Variants in ITGA2 observed in about 807,000 individuals in gnomAD.
ITGA2 encodes the protein integrin alpha-2.
A neutral mutation model predicts 146.3 loss-of-function variants in ITGA2; 101 were observed. That is an observed-to-expected ratio of 0.69 (90% CI 0.59 to 0.81). ITGA2 has a LOEUF of 0.81. ITGA2 is among the 40% of genes least tolerant of loss of function. The pLI is 0.00. For missense variants in ITGA2, 1,281 were observed against 1,402.7 expected (o/e 0.91, Z 1.39); for synonymous variants, 477 against 487.1 (o/e 0.98, Z 0.27).
intron 6 of ITGA2, 61 bp from the exon 7 acceptor site, chr5:53,051,350 T>C (rs1182988167): frequency 1.3e-6 from 2 of 1,551,876 alleles, no homozygotes; most frequent in Non-Finnish European, 8.9e-7. Flanking sequence ...ATTTTATTGG[T>C]TAAGTAGAAA....
chr5:53,071,807 T>A, intron 17 of ITGA2, 131 bp from the exon 18 acceptor site: 2 of 719,024 alleles, frequency 2.8e-6, no homozygotes, highest in East Asian at 5.4e-5. Context: ...ACAAAGATAT[T>A]CTACATAATT....
intron 18 of ITGA2, 74 bp downstream of exon 18, chr5:53,072,122 G>A: frequency 2.0e-6 from 2 of 1,014,160 alleles, no homozygotes; most frequent in Non-Finnish European, 3.1e-6. Context: ...GTGTCTGAAG[G>A]ATGGTTAGGA....
At chr5:53,003,561 G>A (rs968159316) in intron 1 of ITGA2, among the ~76,000 whole-genome samples, 22 of 152,110 alleles carry the variant, frequency 1.4e-4, no homozygotes, top group African/African-American at 3.6e-4. Flanking sequence ...CTTCTTGCAT[G>A]GTGGGTAGGG....
At chr5:53,042,450 C>A (rs536137166) in intron 3 of ITGA2, among the ~76,000 whole-genome samples, 1 of 152,174 alleles carries the variant, frequency 6.6e-6, no homozygotes, top group Admixed American at 6.5e-5. Flanking sequence ...TACCTATAGA[C>A]CATGGACTGG....
chr5:53,072,487 T>C, intron 18 of ITGA2, 126 bp from the exon 19 acceptor site: 3 of 702,352 alleles, frequency 4.3e-6, no homozygotes, highest in Non-Finnish European at 7.6e-6. Flanking sequence ...GTTAAACATT[T>C]ATATATTCCT....
chr5:53,065,893 G>A lies in ITGA2; in HGVS notation c.1859G>A (p.Arg620Lys), dbSNP rs756126799. 6.2e-7 allele frequency: 1 copy of A among 1,612,002 alleles called. No individual in the cohort carries two copies. The highest frequency in any genetic ancestry group is 1.3e-5 in the African/African-American group (1 of 74,734). The change falls in exon 15 of 30, where the codon AGG (arginine) becomes AAG (lysine). Residue 620 changes from arginine to lysine, a missense_variant. Transcript: ENST00000296585. ...AFRSHLQYFGRSLDGYGDLNG... is the reference protein window; with the variant it reads ...AFRSHLQYFGKSLDGYGDLNG... Reference sequence around the variant, plus strand: ...AGGAGCCATCTCCAGTACTTTGGGAGGTCCTTGGATGGCTATGGAGATTTA... The same window carrying A: ...AGGAGCCATCTCCAGTACTTTGGGAAGTCCTTGGATGGCTATGGAGATTTA...
chr5:52,994,746 C>T (rs1200768824), intron 1 of ITGA2, among the ~76,000 whole-genome samples: 1 of 152,038 alleles, frequency 6.6e-6, no homozygotes, highest in African/African-American at 2.4e-5. Context: ...TAATTTAAAA[C>T]TTGGTTATAT....
chr5:53,078,278 G>A (rs1170083920), intron 23 of ITGA2, among the ~76,000 whole-genome samples: 1 of 152,046 alleles, frequency 6.6e-6, no homozygotes, highest in African/African-American at 2.4e-5. Flanking sequence ...ACTAAAGAAG[G>A]ATAGGAAGAA....
intron 26 of ITGA2, 131 bp from the exon 27 acceptor site, chr5:53,083,209 T>A: frequency 1.5e-6 from 1 of 683,200 alleles, no homozygotes; most frequent in Non-Finnish European, 2.7e-6. Context: ...GAACTACTAA[T>A]AGCTCATGAG....
chr5:52,992,181 C>T (rs1421778482), intron 1 of ITGA2, among the ~76,000 whole-genome samples: 2 of 152,140 alleles, frequency 1.3e-5, no homozygotes, highest in Admixed American at 6.5e-5. Context: ...CCTCCTGAAA[C>T]ATCCTGTACT....
chr5:53,025,897 A>C (rs937400415), intron 1 of ITGA2, among the ~76,000 whole-genome samples: 1 of 152,208 alleles, frequency 6.6e-6, no homozygotes, highest in Non-Finnish European at 1.5e-5. Context: ...TGTCAGTGTC[A>C]TACAGAGAAA....
intron 1 of ITGA2, among the ~76,000 whole-genome samples, chr5:53,020,084 G>C (rs908067336): frequency 2.0e-5 from 3 of 152,170 alleles, no homozygotes; most frequent in Non-Finnish European, 2.9e-5. Context: ...GAGGATAAGA[G>C]AGAATTAATG....
intron 1 of ITGA2, among the ~76,000 whole-genome samples, chr5:53,006,487 GC>G (rs1426616194): frequency 6.6e-6 from 1 of 152,134 alleles, no homozygotes; most frequent in African/African-American, 2.4e-5. Flanking sequence ...CTGCACAGTA[GC>G]CTGCATTCAA....
At chr5:53,045,160 A>G (rs775074328) in intron 4 of ITGA2, 68 bp downstream of exon 4, 1 of 1,130,326 alleles carries the variant, frequency 8.8e-7, no homozygotes, top group Non-Finnish European at 1.3e-6. Context: ...TCTTCTCACC[A>G]TCCCTCCCAA....
rs1021485288 is a variant in ITGA2, at chr5:53,090,681, C to T, written c.*82C>T. The T allele has an allele frequency of 1.8e-6, 2 of 1,131,502 alleles. No individual in the cohort carries two copies. The highest frequency in any genetic ancestry group is 1.8e-5 in the Admixed American group (1 of 56,098). The allele number at this position is 1,131,502 out of a possible 1,614,324, so 70.1% of individuals were successfully genotyped here. ...TGCGTGAATGGATTTCTTTTTAAAT[C>T]CCATATTTTTTTTATCATGTCGTAG... On this transcript the variant is annotated 3_prime_UTR_variant, in exon 30 of 30. Coordinates refer to ENST00000296585, the MANE Select transcript of ITGA2 (RefSeq NM_002203.4).
intron 2 of ITGA2, among the ~76,000 whole-genome samples, chr5:53,033,019 G>A (rs947614809): frequency 6.6e-6 from 1 of 152,124 alleles, no homozygotes; most frequent in African/African-American, 2.4e-5. Context: ...TGTAATTCCA[G>A]CACTTTGGGA....
At chr5:53,006,247 T>A (rs983549351) in intron 1 of ITGA2, among the ~76,000 whole-genome samples, 2 of 152,272 alleles carry the variant, frequency 1.3e-5, no homozygotes, top group Non-Finnish European at 2.9e-5. Flanking sequence ...TGAAATTTTT[T>A]AAAAATGGTG....
In ITGA2 at chr5:53,065,927, T is replaced by C. The variant is rs143094923; in HGVS notation, c.1893T>C (p.Asp631=). ...SLDGYGDLNG[D]SITDVSIGAF... is the part of the protein sequence containing the mutation. ...ATGGCTATGGAGATTTAAATGGGGA[T>C]TCCATCACCGATGTGTCTATTGGTG... The change falls in exon 15 of 30, where the codon GAT becomes GAC. Residue 631 remains aspartate (D), a synonymous_variant. Transcript: ENST00000296585. 2.5e-6 allele frequency: 4 copies of C among 1,612,020 alleles called. No individual in the cohort carries two copies. In the African/African-American group the frequency reaches 4.0e-5, roughly 16 times the overall value.
intron 6 of ITGA2, among the ~76,000 whole-genome samples, chr5:53,050,571 C>T (rs1368985121): frequency 6.6e-6 from 1 of 152,156 alleles, no homozygotes; most frequent in African/African-American, 2.4e-5. Context: ...CCGCTTCCAC[C>T]TCCTTACATA....
Sources: allele counts gnomAD v4.1 joint callset (sites outside exome capture counted in the v4.1 genomes callset), GRCh38; gene constraint gnomAD v4.1.1; transcripts MANE v1.5; gene names NCBI Gene and HGNC (gene_info 2026-07-23, HGNC 2026-07-21).